OR1L8: variants seen among roughly 807,000 people sequenced by gnomAD.
The protein encoded by OR1L8 is olfactory receptor family 1 subfamily L member 8, also known as olfactory receptor 1L8.
For missense variants in OR1L8, 330 were observed against 377.4 expected (o/e 0.87, Z 1.04); for synonymous variants, 148 against 147.0 (o/e 1.01, Z -0.05).
At chr9:122,574,796 C>T (rs1270362100) in intron 3 of OR1L8, among the ~76,000 whole-genome samples, 3 of 152,044 alleles carry the variant, frequency 2.0e-5, no homozygotes, top group African/African-American at 2.4e-5. Context: ...CCTAGTTTCT[C>T]GCCATCATGT....
downstream of OR1L8, among the ~76,000 whole-genome samples, chr9:122,562,215 G>C (rs1262765849): frequency 6.6e-6 from 1 of 152,240 alleles, no homozygotes; most frequent in Non-Finnish European, 1.5e-5. Flanking sequence ...GAGCTATAGA[G>C]ATGGCTGCCG....
chr9:122,565,330 C>T (rs1447115994), downstream of OR1L8, among the ~76,000 whole-genome samples: 2 of 152,208 alleles, frequency 1.3e-5, no homozygotes, highest in Admixed American at 1.3e-4. Context: ...CAAAGCATGA[C>T]CTCAGAAGGG....
chr9:122,552,036 T>TAC, the OR1L8 span, among the ~76,000 whole-genome samples: 27,638 of 123,850 alleles, frequency 0.22, 2,778 homozygotes, highest in East Asian at 0.33. Flanking sequence ...GTAGGACACA[T>TAC]ACACACACAC....
the OR1L8 span, chr9:122,553,086 ATTT>A: frequency 1.3e-5 from 12 of 897,100 alleles, no homozygotes; most frequent in South Asian, 2.1e-4. Context: ...AAGACCATTT[ATTT>A]TTCTTTTCTT....
chr9:122,562,877 T>G (rs1829374652), downstream of OR1L8, among the ~76,000 whole-genome samples: 1 of 152,136 alleles, frequency 6.6e-6, no homozygotes, highest in Non-Finnish European at 1.5e-5. Context: ...CTGCATGGTG[T>G]TCCATTGTGC....
At chr9:122,553,505 T>C in the OR1L8 span, 5 of 1,614,046 alleles carry the variant, frequency 3.1e-6, no homozygotes, top group African/African-American at 6.7e-5. Flanking sequence ...TCTCGTATTC[T>C]GGGTGTCTTG....
chr9:122,568,319 GT>G lies in OR1L8; in HGVS notation c.158del (p.Asn53ThrfsTer12), dbSNP rs1227772294. 1.9e-6 allele frequency: 3 copies of G among 1,614,028 alleles called. No homozygotes were observed. The highest frequency in any genetic ancestry group is 2.5e-6 in the Non-Finnish European group (3 of 1,180,024). ...AATACATAGGGGTCTGAAGATGGGG[GT>G]TGAAGCGAATGGCCAGGATGATGAG... Reference protein sequence around the residue: ...NLLIILAIRFNPHLQTPMYFF... With the variant: ...NLLIILAIRFXPHLQTPMYFF... On this transcript the variant is annotated frameshift_variant, in exon 5 of 5. Coordinates refer to ENST00000641027, the MANE Select transcript of OR1L8 (RefSeq NM_001004454.2). LOFTEE classifies it low-confidence loss of function (END_TRUNC).
At chr9:122,548,035 T>C in the OR1L8 span, among the ~76,000 whole-genome samples, 1 of 152,246 alleles carries the variant, frequency 6.6e-6, no homozygotes, top group Non-Finnish European at 1.5e-5. Flanking sequence ...ATTTCTCTGA[T>C]GGTTAGTGAT....
At chr9:122,554,061 A>T in the OR1L8 span, 1 of 1,613,686 alleles carries the variant, frequency 6.2e-7, no homozygotes. Flanking sequence ...CTATATGGTG[A>T]TTATTCCCAC....
chr9:122,569,115 C>T (rs997458065), intron 4 of OR1L8, among the ~76,000 whole-genome samples: 1 of 152,000 alleles, frequency 6.6e-6, no homozygotes, highest in Non-Finnish European at 1.5e-5. Flanking sequence ...GACTGTTGAA[C>T]GCAGTCAATA....
chr9:122,550,842 G>T, the OR1L8 span, among the ~76,000 whole-genome samples: 1 of 150,800 alleles, frequency 6.6e-6, no homozygotes, highest in African/African-American at 2.4e-5. Flanking sequence ...ACTAGAGAAA[G>T]ACGAAGATGA....
At chr9:122,569,469 C>G (rs1829499420) in intron 4 of OR1L8, among the ~76,000 whole-genome samples, 2 of 75,924 alleles carry the variant, frequency 2.6e-5, no homozygotes, top group South Asian at 1.0e-3. Context: ...ATTTTTGTAT[C>G]AGCAAAATGT....
chr9:122,551,421 T>A, the OR1L8 span, among the ~76,000 whole-genome samples: 137 of 152,308 alleles, frequency 9.0e-4, no homozygotes, highest in African/African-American at 3.2e-3. Context: ...TTTTGGAGTT[T>A]TTGAGGGTAT....
chr9:122,546,376 T>C, the OR1L8 span, among the ~76,000 whole-genome samples: 1 of 152,092 alleles, frequency 6.6e-6, no homozygotes, highest in Non-Finnish European at 1.5e-5. Flanking sequence ...GAAAGTGAGA[T>C]TCTGGGATTT....
chr9:122,559,811 G>T, the OR1L8 span, among the ~76,000 whole-genome samples: 1 of 152,294 alleles, frequency 6.6e-6, no homozygotes. Flanking sequence ...GATTTGGGGT[G>T]GAGAGTTCTG....
downstream of OR1L8, among the ~76,000 whole-genome samples, chr9:122,563,644 T>C (rs1315724612): frequency 6.6e-6 from 1 of 152,238 alleles, no homozygotes; most frequent in Non-Finnish European, 1.5e-5. Flanking sequence ...ATTTTTGCTT[T>C]TGTTGTCTAT....
At chr9:122,553,096 T>C in the OR1L8 span, 50 of 972,684 alleles carry the variant, frequency 5.1e-5, 2 homozygotes, top group South Asian at 8.4e-4. Context: ...ATTTTTCTTT[T>C]CTTTTTCTCC....
rs759291485 is a variant in OR1L8, at chr9:122,568,200, A to T, written c.278T>A (p.Ile93Asn). 6.2e-7 allele frequency: 1 copy of T among 1,614,220 alleles called. No individual in the cohort carries two copies. Among genetic ancestry groups the T allele is most frequent in the Non-Finnish European group, 8.5e-7 (1 of 1,180,022 alleles). Residue 93 changes from isoleucine (I) to asparagine (N), a missense_variant, in exon 5 of 5, where the codon ATC (isoleucine) becomes AAC (asparagine). Transcript: ENST00000641027. ...CTGTGTCAGACACCCAGCATAGGAGATGGTCTTCTTTTCTGACAGGAAGTT... is the reference window on the plus strand; with the variant it reads ...CTGTGTCAGACACCCAGCATAGGAGTTGGTCTTCTTTTCTGACAGGAAGTT... ...LMNFLSEKKT[I>N]SYAGCLTQMY...
downstream of OR1L8, among the ~76,000 whole-genome samples, chr9:122,562,735 T>TA (rs1238580066): frequency 6.6e-6 from 1 of 152,164 alleles, no homozygotes; most frequent in Non-Finnish European, 1.5e-5. Flanking sequence ...TTCAACTTTT[T>TA]AAAAATCCCA....
Sources: allele counts gnomAD v4.1 joint callset (sites outside exome capture counted in the v4.1 genomes callset), GRCh38; gene constraint gnomAD v4.1.1; transcripts MANE v1.5; gene names NCBI Gene and HGNC (gene_info 2026-07-23, HGNC 2026-07-21).